The following CRYZ variants were observed in gnomAD, a reference collection of about 807,000 sequenced individuals.
The protein encoded by CRYZ is crystallin zeta.
CRYZ carries 35 observed loss-of-function variants against 34.1 expected under a neutral mutation model. The observed-to-expected ratio is 1.03, with a 90% CI of 0.78 to 1.36. The LOEUF is 1.36. Among genes scored for constraint, CRYZ ranks in the 40% most tolerant of loss-of-function variants. CRYZ has a pLI of 0.00. For missense variants in CRYZ, 403 were observed against 391.8 expected (o/e 1.03, Z -0.24); for synonymous variants, 137 against 136.5 (o/e 1.00, Z -0.03).
In CRYZ at chr1:74,724,695, G is replaced by A. The variant is rs3815846; in HGVS notation, c.111+16C>T. The stretch of plus-strand genomic sequence containing the variant: ...TCAGTATAATTATAGCCTCAATAAA[G>A]TAATTTTATTTCTACCTGATGGTCT... On this transcript the variant is annotated intron_variant, in intron 2 of 8. Coordinates refer to ENST00000340866, the MANE Select transcript of CRYZ (RefSeq NM_001889.4). The A allele has an allele frequency of 9.3e-4, 1,401 of 1,504,362 alleles. 19 individuals are homozygous for A. In the East Asian group the frequency reaches 0.028, roughly 30 times the overall value. The allele number at this position is 1,504,362 out of a possible 1,614,324, so 93.2% of individuals were successfully genotyped here.
chr1:74,710,964 G>T lies in CRYZ; in HGVS notation c.481-717C>A, dbSNP rs184653052. On this transcript the variant is annotated intron_variant, in intron 5 of 8. Transcript: ENST00000340866. ...GAATAGGGGCTATTTAGGTCATCAG[G>T]AAGAGCCACTCTGAAAAAATGAGAC... is the stretch of plus-strand genomic sequence containing the variant. Among the ~76,000 whole-genome samples the T allele has an allele frequency of 1.3e-5, 2 of 152,140 alleles. 1 individual carries two copies. Among genetic ancestry groups the T allele is most frequent in the South Asian group, 4.1e-4 (2 of 4,828 alleles).
At chr1:74,710,330 C>T in intron 5 of CRYZ, 83 bp from the exon 6 acceptor site, 1 of 1,310,822 alleles carries the variant, frequency 7.6e-7, no homozygotes, top group Non-Finnish European at 1.0e-6. Flanking sequence ...CTTAAGATTC[C>T]TATAGGACCC....
At chr1:74,727,601 A>T (rs1647433131) in intron 1 of CRYZ, among the ~76,000 whole-genome samples, 1 of 134,734 alleles carries the variant, frequency 7.4e-6, no homozygotes, top group South Asian at 2.5e-4. Context: ...ACTACACTCC[A>T]GCCACTGCAC....
At chr1:74,728,037 C>A (rs1391618378) in intron 1 of CRYZ, among the ~76,000 whole-genome samples, 1 of 152,092 alleles carries the variant, frequency 6.6e-6, no homozygotes, top group Non-Finnish European at 1.5e-5. Flanking sequence ...TTTATTTACA[C>A]AGTTTAGGGA....
At chr1:74,714,032 T>A (rs924630859) in intron 5 of CRYZ, among the ~76,000 whole-genome samples, 2 of 151,942 alleles carry the variant, frequency 1.3e-5, no homozygotes, top group Admixed American at 6.6e-5. Flanking sequence ...TCCCCCACAT[T>A]AGCATTTTCA....
intron 1 of CRYZ, among the ~76,000 whole-genome samples, chr1:74,729,319 AG>A (rs1647564684): frequency 6.6e-6 from 1 of 152,040 alleles, no homozygotes. Context: ...AGACGTGGCA[AG>A]CACCAAGCAC....
chr1:74,712,406 T>C (rs1055776304), intron 5 of CRYZ, among the ~76,000 whole-genome samples: 1 of 152,168 alleles, frequency 6.6e-6, no homozygotes, highest in Non-Finnish European at 1.5e-5. Flanking sequence ...GGAGAAATGA[T>C]GCAAAATCAC....
rs1395406279 is a variant in CRYZ, at chr1:74,732,614, G to T, written c.-14+342C>A. ...GTGACTGGCGGGGGGGGGGGGGGGG[G>T]GTGCAGCGTGGGGCTGGGGGACAGG... On this transcript the variant is annotated intron_variant, in intron 1 of 8. Transcript: ENST00000340866. 4.2e-4 allele frequency among the ~76,000 whole-genome samples: 21 copies of T among 50,264 alleles called. 1 individual carries two copies. The highest frequency in any genetic ancestry group is 8.6e-4 in the Non-Finnish European group (15 of 17,418). The allele number at this position is 50,264 out of a possible 152,430, so 33.0% of individuals were successfully genotyped here. A position where few individuals can be genotyped will look rare whatever the true frequency, so the allele number is the denominator to read the frequency against.
At chr1:74,720,401 T>C (rs1173898733) in intron 3 of CRYZ, among the ~76,000 whole-genome samples, 3 of 152,110 alleles carry the variant, frequency 2.0e-5, no homozygotes, top group Admixed American at 2.0e-4. Context: ...TATTAAAAAG[T>C]AGATGCAGGA....
At chr1:74,716,195 C>CGTGTGT (rs1475271223) in intron 4 of CRYZ, among the ~76,000 whole-genome samples, 14 of 147,150 alleles carry the variant, frequency 9.5e-5, no homozygotes, top group Admixed American at 2.7e-4. Context: ...AATCTGTGTG[C>CGTGTGT]GCGTGTGTGT....
intron 1 of CRYZ, among the ~76,000 whole-genome samples, chr1:74,728,095 G>A (rs533407145): frequency 4.0e-4 from 61 of 152,230 alleles, no homozygotes; most frequent in African/African-American, 1.5e-3. Flanking sequence ...AGAAAATTCT[G>A]ATTTGAAAAA....
At chr1:74,724,661 G>T in intron 2 of CRYZ, 50 bp downstream of exon 2, 1 of 1,122,302 alleles carries the variant, frequency 8.9e-7, no homozygotes, top group Non-Finnish European at 1.3e-6. Context: ...ATGTGCAAGA[G>T]ACTCACACTC....
intron 1 of CRYZ, among the ~76,000 whole-genome samples, chr1:74,727,449 T>TA (rs1417062585): frequency 1.1e-4 from 4 of 36,978 alleles, no homozygotes; most frequent in Admixed American, 9.1e-4. Context: ...CCATCTCTAC[T>TA]AAAAAATACA....
intron 5 of CRYZ, among the ~76,000 whole-genome samples, chr1:74,710,899 C>T (rs1209819132): frequency 6.6e-6 from 1 of 151,792 alleles, no homozygotes; most frequent in African/African-American, 2.4e-5. Context: ...AATAAAAGTG[C>T]TAAGAAAAAA....
At chr1:74,713,280 T>G (rs940838770) in intron 5 of CRYZ, among the ~76,000 whole-genome samples, 2 of 152,152 alleles carry the variant, frequency 1.3e-5, no homozygotes, top group Admixed American at 1.3e-4. Context: ...CTTTAAACTC[T>G]TCTCTCCCCT....
At chr1:74,721,765 T>C (rs1647167601) in intron 3 of CRYZ, among the ~76,000 whole-genome samples, 1 of 152,164 alleles carries the variant, frequency 6.6e-6, no homozygotes, top group African/African-American at 2.4e-5. Context: ...AAAGATAAGC[T>C]AGTTTTAGAC....
At chr1:74,707,382 G>T (rs1350677780) in intron 6 of CRYZ, 178 bp from the exon 7 acceptor site, 1 of 479,274 alleles carries the variant, frequency 2.1e-6, no homozygotes, top group Non-Finnish European at 3.7e-6. Context: ...TAATTCCAAG[G>T]TACCAGCCAG....
At chr1:74,730,699 C>T (rs1319805723) in intron 1 of CRYZ, among the ~76,000 whole-genome samples, 1 of 152,146 alleles carries the variant, frequency 6.6e-6, no homozygotes, top group Non-Finnish European at 1.5e-5. Flanking sequence ...AACCCAAGTC[C>T]TGTAATTAAA....
chr1:74,725,238 G>A (rs1280097386), intron 1 of CRYZ, among the ~76,000 whole-genome samples: 2 of 152,108 alleles, frequency 1.3e-5, no homozygotes, highest in Non-Finnish European at 2.9e-5. Context: ...CTGACACCCA[G>A]TGTATTGGTT....
Sources: gnomAD v4.1 joint callset for allele counts (sites outside exome capture counted in the v4.1 genomes callset) on GRCh38, gnomAD v4.1.1 for gene constraint, MANE v1.5 for transcripts, NCBI Gene and HGNC (gene_info 2026-07-23, HGNC 2026-07-21) for gene names.